Variants in C14orf39 observed in about 807,000 individuals in gnomAD.
The protein encoded by C14orf39 is chromosome 14 open reading frame 39.
In C14orf39, 66 loss-of-function variants were observed where a neutral mutation model predicts 85.6. The observed-to-expected ratio is 0.77, with a 90% CI of 0.63 to 0.95. The LOEUF (loss-of-function observed/expected upper bound fraction) is 0.95. Ranked by LOEUF, C14orf39 falls within the 40% of genes least tolerant of loss-of-function variation. C14orf39 has a pLI of 0.00. For synonymous variants in C14orf39, 242 were observed against 214.0 expected, an observed-to-expected ratio of 1.13 and a Z score of -1.14; for missense variants, 735 against 663.9, an observed-to-expected ratio of 1.11 and a Z score of -1.18.
Position 60,506,847 on chromosome 14 carries a change from G to A in C14orf39, c.-143-7417C>T, listed in dbSNP as rs140869973. ...CTAAAGCGCCCTCATCTAATTATTT[G>A]CAGAACTATTATCCAAGAAATGGGC... On this transcript the variant is annotated intron_variant, in intron 1 of 5. Transcript: ENST00000556799. Among the ~76,000 whole-genome samples, 780 of 152,320 alleles carry A rather than the reference G, an allele frequency of 5.1e-3. 3 individuals carry two copies. Among genetic ancestry groups the A allele is most frequent in the African/African-American group, 0.017 (702 of 41,566 alleles).
At chr14:60,507,321 C>A (rs1186097619) in intron 1 of C14orf39, among the ~76,000 whole-genome samples, 1 of 152,196 alleles carries the variant, frequency 6.6e-6, no homozygotes, top group Non-Finnish European at 1.5e-5. Flanking sequence ...TTCTGCACCG[C>A]GGATTCTCCT....
chr14:60,448,947 A>G (rs972408810), intron 16 of C14orf39, among the ~76,000 whole-genome samples: 4 of 152,168 alleles, frequency 2.6e-5, no homozygotes, highest in African/African-American at 9.7e-5. Flanking sequence ...CAGAAAACCA[A>G]ACACCGCATG....
chr14:60,496,491 T>C, intron 2 of C14orf39: 1 of 256,756 alleles, frequency 3.9e-6, no homozygotes, highest in Non-Finnish European at 7.9e-6. Flanking sequence ...CCATTCTCCA[T>C]GTGACCATTC....
At position 60,491,514 on chromosome 14, in the gene C14orf39, A is replaced by G. The variant is rs1892988043; in HGVS notation, c.-8-6428T>C. ...TCCCCCACTAATGCTGACCTCCTTC[A>G]TCCTTTTCATTAATGAGACCAGAAT... On this transcript the variant is annotated intron_variant, in intron 2 of 5. Coordinates refer to the C14orf39 transcript ENST00000556799. This position sits in a 1 kb window ranked among gnomAD's most constrained non-coding sequence, Gnocchi z 4.5. Among the ~76,000 whole-genome samples the G allele has an allele frequency of 6.6e-6, 1 of 152,292 alleles. No homozygotes were observed. The highest frequency in any genetic ancestry group is 2.4e-5 in the African/African-American group (1 of 41,556).
chr14:60,460,701 A>G (rs1052538717), intron 13 of C14orf39, among the ~76,000 whole-genome samples: 5 of 151,968 alleles, frequency 3.3e-5, no homozygotes, highest in Non-Finnish European at 7.4e-5. Context: ...GTGTATATAC[A>G]TAGAGAGAAT....
chr14:60,480,314 C>T (rs761169297), intron 4 of C14orf39, among the ~76,000 whole-genome samples: 3 of 151,970 alleles, frequency 2.0e-5, no homozygotes, highest in Admixed American at 1.3e-4. Context: ...CCCAGCTACT[C>T]GGAAGGCTGA....
chr14:60,482,278 T>C (rs1471822078), intron 4 of C14orf39, among the ~76,000 whole-genome samples: 2 of 152,126 alleles, frequency 1.3e-5, no homozygotes, highest in African/African-American at 2.4e-5. Context: ...ACTGGTAAAA[T>C]CTACTACAAT....
At chr14:60,475,953 C>T (rs1892354580) in intron 5 of C14orf39, among the ~76,000 whole-genome samples, 1 of 152,044 alleles carries the variant, frequency 6.6e-6, no homozygotes, top group Non-Finnish European at 1.5e-5. Context: ...ATTATCTCAC[C>T]TTAGCAGATT....
intron 14 of C14orf39, among the ~76,000 whole-genome samples, chr14:60,457,705 T>C (rs1339575592): frequency 6.6e-6 from 1 of 152,028 alleles, no homozygotes; most frequent in Non-Finnish European, 1.5e-5. Flanking sequence ...TTATTACGTG[T>C]GTTTTTTACA....
chr14:60,507,004 G>A (rs1046494186), intron 1 of C14orf39, among the ~76,000 whole-genome samples: 1 of 152,176 alleles, frequency 6.6e-6, no homozygotes, highest in African/African-American at 2.4e-5. Context: ...GCGAGAGGGA[G>A]ACGTGTGGTC....
At chr14:60,478,858 C>CA (rs1186704726) in intron 4 of C14orf39, among the ~76,000 whole-genome samples, 10 of 150,658 alleles carry the variant, frequency 6.6e-5, no homozygotes, top group East Asian at 1.9e-4. Flanking sequence ...TCCTGAATTA[C>CA]AAAAAAAAGA....
At chr14:60,485,573 A>T (rs552148825) in intron 1 of C14orf39, among the ~76,000 whole-genome samples, 11 of 152,130 alleles carry the variant, frequency 7.2e-5, no homozygotes, top group East Asian at 5.8e-4. Context: ...CACGAAGAAT[A>T]AAAAAATTGG....
At chr14:60,473,298 A>C (rs1036733615) in intron 5 of C14orf39, among the ~76,000 whole-genome samples, 8 of 152,232 alleles carry the variant, frequency 5.3e-5, no homozygotes, top group African/African-American at 1.7e-4. Context: ...TAGATTCTGG[A>C]TATCAGCCCT....
chr14:60,509,449 A>G, intron 1 of C14orf39: 1 of 1,599,920 alleles, frequency 6.3e-7, no homozygotes, highest in Non-Finnish European at 8.5e-7. Flanking sequence ...TGGCCGGGGT[A>G]TGTGAGACCC....
intron 13 of C14orf39, 23 bp from the exon 14 acceptor site, chr14:60,458,762 T>C (rs1891390491): frequency 1.3e-6 from 2 of 1,547,084 alleles, no homozygotes; most frequent in African/African-American, 2.7e-5. Flanking sequence ...GAGAACAAAC[T>C]ATTTTTCTTT....
At chr14:60,495,463 G>C (rs1215079904) in intron 2 of C14orf39, 3 of 171,906 alleles carry the variant, frequency 1.7e-5, no homozygotes, top group Non-Finnish European at 3.7e-5. Flanking sequence ...GAGATTTTGA[G>C]GTACACCTAT....
Position 60,455,039 on chromosome 14 carries a change from C to A in C14orf39, c.1465G>T (p.Asp489Tyr). ...TSRSPGLNLF[D>Y]SSVFDTEISS... Reference sequence around the variant, plus strand: ...ATTTCTGTATCAAATACAGAAGAATCAAATAAATTCAATCCAGGTGATCTA... The same window carrying A: ...ATTTCTGTATCAAATACAGAAGAATAAAATAAATTCAATCCAGGTGATCTA... Residue 489 changes from aspartate to tyrosine, a missense_variant, in exon 16 of 18, where the codon GAT becomes TAT. Transcript: ENST00000321731. The A allele has an allele frequency of 6.4e-7, 1 of 1,570,436 alleles. No individual in the cohort carries two copies. The highest frequency in any genetic ancestry group is 1.2e-5 in the South Asian group (1 of 83,502).
In C14orf39 at chr14:60,507,251, C is replaced by G. The variant is rs974458817; in HGVS notation, c.-143-7821G>C. On this transcript the variant is annotated intron_variant, in intron 1 of 5. Transcript: ENST00000556799. Reference sequence around the variant, plus strand: ...TGCTTTCCTCCCCTGGCCAGAAGCTCCGGGATCGCAGCCCTCCCGGGTCCG... The same window carrying G: ...TGCTTTCCTCCCCTGGCCAGAAGCTGCGGGATCGCAGCCCTCCCGGGTCCG... 2.6e-5 allele frequency among the ~76,000 whole-genome samples: 4 copies of G among 152,286 alleles called. No individual in the cohort carries two copies. The East Asian group carries it at 5.8e-4, about 22-fold the overall frequency.
At chr14:60,502,738 A>C (rs1893163578) in intron 1 of C14orf39, among the ~76,000 whole-genome samples, 1 of 152,254 alleles carries the variant, frequency 6.6e-6, no homozygotes, top group Non-Finnish European at 1.5e-5. Flanking sequence ...AGAGCTTTGC[A>C]GCTGGTCCCC....
Sources: gnomAD v4.1 joint callset for allele counts (sites outside exome capture counted in the v4.1 genomes callset) on GRCh38, gnomAD v4.1.1 for gene constraint, Gnocchi (gnomAD v3.1) non-coding constraint, MANE v1.5 for transcripts, NCBI Gene and HGNC (gene_info 2026-07-23, HGNC 2026-07-21) for gene names.